The following HPF1 variants were observed in gnomAD, a reference collection of about 807,000 sequenced individuals.
HPF1 encodes UPF0609 protein C4orf27.
A neutral mutation model predicts 38.8 loss-of-function variants in HPF1; 35 were observed. The ratio of observed to expected loss-of-function variants is 0.90; its 90% CI spans 0.69 to 1.19. HPF1 has a LOEUF of 1.19. Ranked by LOEUF, HPF1 falls within the 50% of genes most tolerant of loss-of-function variation. HPF1 has a pLI of 0.00. For missense variants in HPF1, 367 were observed against 405.8 expected, an observed-to-expected ratio of 0.90 and a Z score of 0.82; for synonymous variants, 115 against 139.2, an observed-to-expected ratio of 0.83 and a Z score of 1.22.
chr4:169,753,909 T>C, intron 1 of HPF1, 74 bp from the exon 2 acceptor site: 1 of 1,152,484 alleles, frequency 8.7e-7, no homozygotes. Context: ...CTATCACTCT[T>C]GTTCACCCAA....
intron 1 of HPF1, among the ~76,000 whole-genome samples, chr4:169,757,015 G>A (rs1013422170): frequency 6.6e-6 from 1 of 152,204 alleles, no homozygotes; most frequent in Admixed American, 6.5e-5. Flanking sequence ...CACCCTGTCC[G>A]ATTTATGACA....
chr4:169,735,146 GA>G (rs1733876881), intron 6 of HPF1, among the ~76,000 whole-genome samples: 6 of 149,142 alleles, frequency 4.0e-5, no homozygotes, highest in African/African-American at 1.2e-4. Context: ...AAAAAAAGAA[GA>G]AAGAAAGAAA....
chr4:169,753,472 C>G (rs1239238644), intron 2 of HPF1, among the ~76,000 whole-genome samples: 1 of 152,186 alleles, frequency 6.6e-6, no homozygotes. Context: ...ACTATAGGCA[C>G]ATGCAACCAC....
chr4:169,744,270 C>A (rs1177624978), intron 4 of HPF1, among the ~76,000 whole-genome samples: 2 of 152,166 alleles, frequency 1.3e-5, no homozygotes, highest in Admixed American at 6.5e-5. Context: ...CTAGTAAGTT[C>A]TTAGGCATCC....
intron 4 of HPF1, among the ~76,000 whole-genome samples, chr4:169,743,004 G>A (rs1373806253): frequency 1.3e-5 from 2 of 151,594 alleles, no homozygotes; most frequent in Non-Finnish European, 2.9e-5. Context: ...GGGAGGCTGG[G>A]GTACGAGAAC....
chr4:169,730,648 C>T (rs1373512141), intron 7 of HPF1, among the ~76,000 whole-genome samples: 2 of 152,100 alleles, frequency 1.3e-5, no homozygotes, highest in Admixed American at 6.6e-5. Context: ...TGCCAGTGAG[C>T]GTTTGGACAA....
chr4:169,742,255 A>C, intron 4 of HPF1, 148 bp from the exon 5 acceptor site: 1 of 673,114 alleles, frequency 1.5e-6, no homozygotes, highest in East Asian at 2.6e-5. Flanking sequence ...AAAATCCCTA[A>C]TAGTTTTCTT....
intron 2 of HPF1, among the ~76,000 whole-genome samples, chr4:169,752,745 T>C (rs1246753707): frequency 6.6e-6 from 1 of 152,218 alleles, no homozygotes; most frequent in Non-Finnish European, 1.5e-5. Flanking sequence ...TTAAGCCATT[T>C]CCCATTTTTT....
intron 5 of HPF1, among the ~76,000 whole-genome samples, chr4:169,738,034 C>T (rs921079406): frequency 3.9e-5 from 6 of 152,146 alleles, no homozygotes; most frequent in African/African-American, 1.4e-4. Context: ...GAACCCAATA[C>T]ATCCTAGAAG....
intron 2 of HPF1, among the ~76,000 whole-genome samples, chr4:169,751,358 G>A (rs1409680246): frequency 6.7e-6 from 1 of 149,054 alleles, no homozygotes; most frequent in African/African-American, 2.5e-5. Context: ...AAACGAGATT[G>A]CGCCATTGCA....
chr4:169,745,780 G>A (rs1357799452), intron 4 of HPF1, among the ~76,000 whole-genome samples: 1 of 152,110 alleles, frequency 6.6e-6, no homozygotes, highest in Non-Finnish European at 1.5e-5. Flanking sequence ...CACCATGCCT[G>A]GCTCCATCAC....
intron 5 of HPF1, among the ~76,000 whole-genome samples, chr4:169,738,657 G>C (rs1733927892): frequency 6.6e-6 from 1 of 152,128 alleles, no homozygotes; most frequent in Admixed American, 6.6e-5. Flanking sequence ...TTATTCAAAG[G>C]AAGTTATCAG....
In HPF1 at chr4:169,753,793, C is replaced by G; in HGVS notation, c.91G>C (p.Ala31Pro). 1 of 1,611,300 alleles carries G rather than the reference C, an allele frequency of 6.2e-7. No homozygotes were observed. The highest frequency in any genetic ancestry group is 8.5e-7 in the Non-Finnish European group (1 of 1,179,404). Residue 31 changes from alanine (A) to proline (P), a missense_variant, in exon 2 of 8, where the codon GCT (alanine) becomes CCT (proline). Physicochemically the swap from Ala to Pro is conservative, Grantham distance 27. Coordinates refer to ENST00000393381, the MANE Select transcript of HPF1 (RefSeq NM_017867.3). ...TTTCGAAGGTCACTGGAGACATCAG[C>G]TTCACAGAATTTACTTTTCTTCACA... ...TDVKKSKFCEADVSSDLRKEV... is the reference protein window; with the variant it reads ...TDVKKSKFCEPDVSSDLRKEV...
At chr4:169,749,381 T>C (rs564715470) in intron 3 of HPF1, among the ~76,000 whole-genome samples, 33 of 152,080 alleles carry the variant, frequency 2.2e-4, no homozygotes, top group Middle Eastern at 3.4e-3. Context: ...TATAGGTACA[T>C]CGTCCTATTA....
In HPF1 at chr4:169,729,562, A is replaced by C; in HGVS notation, c.*16T>G. On this transcript the variant is annotated 3_prime_UTR_variant, in exon 8 of 8. Transcript: ENST00000393381. ...TAGTCCTTTGAAATACTGTACACCA[A>C]TCAAAGCCACCTTACTCATGCAGCA... 1 of 1,499,224 alleles carries C rather than the reference A, an allele frequency of 6.7e-7. No homozygotes were observed. Among genetic ancestry groups the C allele is most frequent in the Non-Finnish European group, 8.9e-7 (1 of 1,124,010 alleles). 92.9% of individuals were successfully genotyped at this position (1,499,224 alleles called of 1,614,324 possible). A position where few individuals can be genotyped will look rare whatever the true frequency, so the allele number is the denominator to read the frequency against.
At chr4:169,735,858 G>A (rs1581313504) in intron 6 of HPF1, among the ~76,000 whole-genome samples, 2 of 147,374 alleles carry the variant, frequency 1.4e-5, no homozygotes, top group East Asian at 4.0e-4. Flanking sequence ...GCCTGTCTAA[G>A]AGAAATACAG....
At position 169,757,834 on chromosome 4, in the gene HPF1, G is replaced by A. The variant is rs201894187; in HGVS notation, c.44C>T (p.Pro15Leu). ...GCACAGCCTTTCCGGCAGTACCTGC[G>A]GCCCCTCTCCGCCGGGCCTGCGCTT... ...GGKRRPGGEG[P>L]QCEKTTDVKK... The change falls in exon 1 of 8, where the codon CCG (proline) becomes CTG (leucine). Residue 15 changes from proline (P) to leucine (L), a missense_variant. Coordinates refer to ENST00000393381, the MANE Select transcript of HPF1 (RefSeq NM_017867.3). The A allele has an allele frequency of 1.2e-4, 186 of 1,562,702 alleles. No individual in the cohort carries two copies. In the African/African-American group the frequency reaches 1.4e-3, roughly 11 times the overall value.
chr4:169,743,583 G>T (rs1176322327), intron 4 of HPF1, among the ~76,000 whole-genome samples: 1 of 151,914 alleles, frequency 6.6e-6, no homozygotes, highest in Non-Finnish European at 1.5e-5. Flanking sequence ...ATCCAAAGTA[G>T]TTCTCAAAAG....
At chr4:169,750,998 G>T (rs1734111939) in intron 2 of HPF1, among the ~76,000 whole-genome samples, 1 of 152,162 alleles carries the variant, frequency 6.6e-6, no homozygotes. Flanking sequence ...TTTGGCCAAA[G>T]CAAGACTGGT....
Sources: gnomAD v4.1 joint callset for allele counts (sites outside exome capture counted in the v4.1 genomes callset) on GRCh38, gnomAD v4.1.1 for gene constraint, MANE v1.5 for transcripts, NCBI Gene and HGNC (gene_info 2026-07-23, HGNC 2026-07-21) for gene names.